Variants in OSBPL9 observed in about 807,000 individuals in gnomAD.
OSBPL9 encodes the protein oxysterol-binding protein-related protein 9.
Under a neutral mutation model 106.6 loss-of-function variants are expected in OSBPL9, and 40 were observed. The ratio of observed to expected loss-of-function variants is 0.38; its 90% CI spans 0.29 to 0.49. The LOEUF (loss-of-function observed/expected upper bound fraction) is 0.49. Ranked by LOEUF, OSBPL9 falls within the 20% of genes least tolerant of loss-of-function variation. OSBPL9 has a pLI of 0.97. For missense variants in OSBPL9, 609 were observed against 887.2 expected, an observed-to-expected ratio of 0.69 and a Z score of 3.98; for synonymous variants, 269 against 295.4, an observed-to-expected ratio of 0.91 and a Z score of 0.92.
the OSBPL9 span, among the ~76,000 whole-genome samples, chr1:51,533,849 T>C: frequency 3.3e-4 from 46 of 140,344 alleles, no homozygotes; most frequent in Admixed American, 8.3e-4. Context: ...TTCTTTCTTT[T>C]TTTTTTTTTT....
At chr1:51,564,300 T>G in the OSBPL9 span, among the ~76,000 whole-genome samples, 1 of 151,984 alleles carries the variant, frequency 6.6e-6, no homozygotes, top group Non-Finnish European at 1.5e-5. Context: ...TTCTTTAAGC[T>G]TAAGTAAGAT....
Position 51,787,723 on chromosome 1 carries a change from T to G in OSBPL9, c.2145T>G (p.His715Gln). ...KEIQWETRLF[H>Q]EDGECWVYDE... ...TCCTCTTTGTCTTACAGTTATTTCA[T>G]GAAGATGGAGAATGCTGGGTTTATG... The change falls in exon 24 of 24, where the codon CAT becomes CAG. Residue 715 changes from histidine (H) to glutamine (Q), a missense_variant. His to Gln is a conservative substitution (Grantham distance 24, BLOSUM62 0). Around this residue, in one of 5 missense-constraint regions of OSBPL9, gnomAD observed 132 missense variants for 158.1 expected, o/e 0.83. Coordinates refer to ENST00000428468, the MANE Select transcript of OSBPL9 (RefSeq NM_024586.6). The G allele has an allele frequency of 6.2e-7, 1 of 1,613,222 alleles. No homozygotes were observed. The highest frequency in any genetic ancestry group is 1.1e-5 in the South Asian group (1 of 91,060).
At chr1:51,724,527 GCA>G (rs974297835) in intron 4 of OSBPL9, among the ~76,000 whole-genome samples, 7 of 151,772 alleles carry the variant, frequency 4.6e-5, no homozygotes, top group Admixed American at 4.6e-4. Context: ...CTCGTGATTC[GCA>G]CATCTCGGCC....
chr1:51,621,268 G>A (rs1039019858), intron 1 of OSBPL9, among the ~76,000 whole-genome samples: 1 of 152,062 alleles, frequency 6.6e-6, no homozygotes, highest in Non-Finnish European at 1.5e-5. Flanking sequence ...TTGGGAGGCC[G>A]AGGCGGGGAG....
chr1:51,757,570 G>A (rs1670608265), intron 9 of OSBPL9, among the ~76,000 whole-genome samples: 1 of 151,776 alleles, frequency 6.6e-6, no homozygotes, highest in South Asian at 2.1e-4. Flanking sequence ...AAAAACACTT[G>A]ATCATTTGCA....
chr1:51,739,352 G>C (rs1201564714), intron 4 of OSBPL9, among the ~76,000 whole-genome samples: 1 of 151,942 alleles, frequency 6.6e-6, no homozygotes. Context: ...AGCTTGTAAA[G>C]TGTCTAGTAG....
the OSBPL9 span, among the ~76,000 whole-genome samples, chr1:51,534,558 G>T: frequency 1.3e-5 from 2 of 152,100 alleles, no homozygotes; most frequent in East Asian, 3.9e-4. Flanking sequence ...GCTGTCCAGG[G>T]CATTCAGACC....
At chr1:51,673,874 C>G (rs1285495413) in intron 3 of OSBPL9, among the ~76,000 whole-genome samples, 1 of 150,534 alleles carries the variant, frequency 6.6e-6, no homozygotes, top group Non-Finnish European at 1.5e-5. Context: ...TAGTGATGCC[C>G]TGTCTCTAAA....
upstream of OSBPL9, among the ~76,000 whole-genome samples, chr1:51,615,284 C>A (rs554910357): frequency 2.0e-5 from 3 of 151,056 alleles, no homozygotes; most frequent in South Asian, 2.1e-4. Context: ...ACAAAACAAA[C>A]AAAAAAAACA....
At chr1:51,720,512 G>A (rs1661893127) in intron 4 of OSBPL9, among the ~76,000 whole-genome samples, 1 of 151,838 alleles carries the variant, frequency 6.6e-6, no homozygotes, top group Non-Finnish European at 1.5e-5. Flanking sequence ...TTTTAGTAGA[G>A]GCGGGGTCTC....
At chr1:51,585,702 G>C (rs944435184) in intron 1 of OSBPL9, among the ~76,000 whole-genome samples, 1 of 151,814 alleles carries the variant, frequency 6.6e-6, no homozygotes, top group Non-Finnish European at 1.5e-5. Flanking sequence ...CTTGAACCCG[G>C]GAAGTGGAGG....
chr1:51,753,038 C>T (rs1669599036), intron 8 of OSBPL9, among the ~76,000 whole-genome samples: 1 of 152,108 alleles, frequency 6.6e-6, no homozygotes, highest in South Asian at 2.1e-4. Context: ...TAATGCATTA[C>T]TTTTAATGGT....
the OSBPL9 span, among the ~76,000 whole-genome samples, chr1:51,539,209 T>G: frequency 2.6e-5 from 4 of 152,268 alleles, no homozygotes; most frequent in African/African-American, 9.6e-5. Flanking sequence ...ACTCCTAATT[T>G]CCCTGCCAAA....
chr1:51,588,760 G>T (rs1645259454), intron 1 of OSBPL9, among the ~76,000 whole-genome samples: 1 of 152,196 alleles, frequency 6.6e-6, no homozygotes, highest in Non-Finnish European at 1.5e-5. Context: ...ACCAGGAAGG[G>T]TTTGCCTTGG....
chr1:51,622,381 A>G (rs1053001137), intron 1 of OSBPL9, among the ~76,000 whole-genome samples: 6 of 152,334 alleles, frequency 3.9e-5, no homozygotes, highest in African/African-American at 1.4e-4. Flanking sequence ...ATCTTTGGAT[A>G]GGACTCTGGA....
chr1:51,739,349 A>C (rs1355264977), intron 4 of OSBPL9, among the ~76,000 whole-genome samples: 1 of 151,990 alleles, frequency 6.6e-6, no homozygotes, highest in Non-Finnish European at 1.5e-5. Context: ...GAAAGCTTGT[A>C]AAGTGTCTAG....
At chr1:51,613,106 A>G (rs1644000728), upstream of OSBPL9, among the ~76,000 whole-genome samples, 1 of 152,238 alleles carries the variant, frequency 6.6e-6, no homozygotes, top group South Asian at 2.1e-4. Flanking sequence ...ATCAAACAAT[A>G]ATTATTAAGC....
intron 1 of OSBPL9, among the ~76,000 whole-genome samples, chr1:51,647,369 A>C (rs1557634639): frequency 3.3e-5 from 5 of 152,272 alleles, no homozygotes; most frequent in Middle Eastern, 3.4e-3. Flanking sequence ...AGAAACAGAT[A>C]CTGTTTTTTA....
chr1:51,528,871 C>T, the OSBPL9 span, among the ~76,000 whole-genome samples: 1 of 150,870 alleles, frequency 6.6e-6, no homozygotes, highest in South Asian at 2.1e-4. Flanking sequence ...GAGACTGTCT[C>T]AAAAATAAAG....
Sources: allele counts gnomAD v4.1 joint callset (sites outside exome capture counted in the v4.1 genomes callset), GRCh38; gene constraint gnomAD v4.1.1; regional missense constraint gnomAD v4.1.1; transcripts MANE v1.5; gene names NCBI Gene and HGNC (gene_info 2026-07-23, HGNC 2026-07-21).